NALCN: variants seen among roughly 807,000 people sequenced by gnomAD.
NALCN encodes sodium leak channel NALCN.
NALCN carries 111 observed loss-of-function variants against 225.3 expected under a neutral mutation model. That is an observed-to-expected ratio of 0.49 (90% CI 0.42 to 0.58). The LOEUF (loss-of-function observed/expected upper bound fraction) is 0.58, where lower values mean the gene tolerates loss of function less well. NALCN is among the 20% of genes least tolerant of loss of function. The pLI is 0.00. For synonymous variants in NALCN, 764 were observed against 769.0 expected (o/e 0.99, Z 0.11); for missense variants, 1,378 against 2,202.4 (o/e 0.63, Z 7.49).
intron 15 of NALCN, among the ~76,000 whole-genome samples, chr13:101,171,385 ACATAT>A (rs2038711086): frequency 6.6e-6 from 1 of 150,384 alleles, no homozygotes. Flanking sequence ...TATGACATAT[ACATAT>A]ATGTTACATA....
intron 15 of NALCN, among the ~76,000 whole-genome samples, chr13:101,165,251 T>A (rs2038381322): frequency 6.6e-6 from 1 of 152,200 alleles, no homozygotes; most frequent in African/African-American, 2.4e-5. Context: ...AAACAGAGTA[T>A]GAGGCGTTTG....
intron 15 of NALCN, among the ~76,000 whole-genome samples, chr13:101,174,661 C>T (rs775335084): frequency 1.3e-5 from 2 of 152,020 alleles, no homozygotes; most frequent in Non-Finnish European, 2.9e-5. Context: ...AATTCACAAT[C>T]CTGAAAAAAT....
chr13:101,065,673 C>T, intron 39 of NALCN, 112 bp from the exon 40 acceptor site: 1 of 1,343,136 alleles, frequency 7.4e-7, no homozygotes, highest in Admixed American at 2.5e-5. Flanking sequence ...ATAATTAGCA[C>T]CAGATGTGAA....
At chr13:101,306,480 G>A (rs2044157680) in intron 7 of NALCN, among the ~76,000 whole-genome samples, 2 of 152,218 alleles carry the variant, frequency 1.3e-5, no homozygotes. Flanking sequence ...TGACAAAGCT[G>A]CTTTGGCCTC....
chr13:101,279,855 A>G (rs2043105810), intron 10 of NALCN, among the ~76,000 whole-genome samples: 3 of 149,354 alleles, frequency 2.0e-5, no homozygotes, highest in African/African-American at 7.3e-5. Context: ...AAATAAATAA[A>G]TAAATAAATA....
At chr13:101,321,037 C>A (rs2044729721) in intron 7 of NALCN, among the ~76,000 whole-genome samples, 1 of 150,918 alleles carries the variant, frequency 6.6e-6, no homozygotes, top group African/African-American at 2.4e-5. Flanking sequence ...CAAAGTCATT[C>A]TTGATTCTCT....
intron 17 of NALCN, among the ~76,000 whole-genome samples, chr13:101,140,053 TC>T (rs1198257814): frequency 5.3e-5 from 8 of 152,234 alleles, no homozygotes; most frequent in African/African-American, 1.7e-4. Flanking sequence ...AGTCTACTTT[TC>T]TGACAACCTA....
chr13:101,348,333 C>T (rs1054681087), intron 6 of NALCN, among the ~76,000 whole-genome samples: 1 of 151,974 alleles, frequency 6.6e-6, no homozygotes, highest in Non-Finnish European at 1.5e-5. Context: ...TGGGGTGAGA[C>T]GTAAGTATTT....
At chr13:101,119,142 G>A (rs923209089) in intron 18 of NALCN, among the ~76,000 whole-genome samples, 9 of 151,210 alleles carry the variant, frequency 6.0e-5, no homozygotes, top group African/African-American at 1.7e-4. Flanking sequence ...CTTTCTTTCA[G>A]GAAAAAAAAT....
In NALCN at chr13:101,112,785, T is replaced by A. The variant is rs185646041; in HGVS notation, c.2193-1559A>T. Among the ~76,000 whole-genome samples, 16 of 152,360 alleles carry A rather than the reference T, an allele frequency of 1.1e-4. No individual in the cohort carries two copies. In the East Asian group the frequency reaches 3.1e-3, roughly 29 times the overall value. ...TGGCTTTGAATATGATTACCATCTG[T>A]CTGAGAATTAAGATCTTTGAGAAAA... On this transcript the variant is annotated intron_variant, in intron 18 of 43. Transcript: ENST00000251127.
intron 7 of NALCN, among the ~76,000 whole-genome samples, chr13:101,299,011 A>G (rs141449220): frequency 3.9e-5 from 6 of 152,378 alleles, no homozygotes; most frequent in African/African-American, 1.4e-4. Context: ...GAGATCAAAT[A>G]CAAGACTTAA....
intron 13 of NALCN, among the ~76,000 whole-genome samples, chr13:101,225,126 CTTCCTA>C (rs1169406960): frequency 6.6e-6 from 1 of 152,162 alleles, no homozygotes; most frequent in African/African-American, 2.4e-5. Context: ...AAAAATAACT[CTTCCTA>C]TATCTCTACT....
chr13:101,089,140 C>T lies in NALCN; in HGVS notation c.3489+523G>A, dbSNP rs1428068786. Among the ~76,000 whole-genome samples, 1 of 152,084 alleles carries T rather than the reference C, an allele frequency of 6.6e-6. No homozygotes were observed. On this transcript the variant is annotated intron_variant, in intron 30 of 43. Transcript: ENST00000251127. This position sits in a 1 kb window ranked among gnomAD's most constrained non-coding sequence, Gnocchi z 4.7. ...CTTGAACTCCTGACCTCAAGTGATC[C>T]ACCCGCCTTGGCCTCCCAAAGTGCT... is the stretch of plus-strand genomic sequence containing the variant.
chr13:101,127,626 G>T (rs1206685751), intron 17 of NALCN, among the ~76,000 whole-genome samples: 1 of 152,140 alleles, frequency 6.6e-6, no homozygotes, highest in African/African-American at 2.4e-5. Context: ...CCAAAGTGCT[G>T]GGATTACAGG....
At chr13:101,070,345 C>T (rs996936188) in intron 37 of NALCN, among the ~76,000 whole-genome samples, 15 of 152,134 alleles carry the variant, frequency 9.9e-5, no homozygotes, top group Non-Finnish European at 1.3e-4. Flanking sequence ...GGATTACAGG[C>T]GTGAGCCACT....
intron 14 of NALCN, among the ~76,000 whole-genome samples, chr13:101,184,917 T>C (rs778349601): frequency 2.0e-5 from 3 of 152,198 alleles, no homozygotes; most frequent in Non-Finnish European, 4.4e-5. Context: ...TTTATATAGC[T>C]TAAAGATGTC....
intron 7 of NALCN, among the ~76,000 whole-genome samples, chr13:101,307,214 G>C (rs938305917): frequency 2.0e-5 from 3 of 152,152 alleles, no homozygotes; most frequent in African/African-American, 7.2e-5. Flanking sequence ...CTTCTGAGCA[G>C]AGCGATGGTG....
At chr13:101,158,733 C>T (rs370563527) in intron 15 of NALCN, among the ~76,000 whole-genome samples, 3 of 152,276 alleles carry the variant, frequency 2.0e-5, no homozygotes, top group Admixed American at 6.5e-5. Context: ...GATAGAAGAG[C>T]CAGTCTCTTT....
chr13:101,213,690 A>C (rs528035244), intron 13 of NALCN, among the ~76,000 whole-genome samples: 3 of 152,360 alleles, frequency 2.0e-5, no homozygotes, highest in Admixed American at 1.3e-4. Context: ...GACACATGAA[A>C]AAATGCTCAT....
Sources: gnomAD v4.1 joint callset for allele counts (sites outside exome capture counted in the v4.1 genomes callset) on GRCh38, gnomAD v4.1.1 for gene constraint, Gnocchi (gnomAD v3.1) non-coding constraint, MANE v1.5 for transcripts, NCBI Gene and HGNC (gene_info 2026-07-23, HGNC 2026-07-21) for gene names.